MPPED1: variants seen among roughly 807,000 people sequenced by gnomAD.
The protein encoded by MPPED1 is metallophosphoesterase domain containing 1, also known as metallophosphoesterase domain-containing protein 1.
In MPPED1, 16 loss-of-function variants were observed where a neutral mutation model predicts 36.2. The observed-to-expected ratio is 0.44, with a 90% CI of 0.30 to 0.67. MPPED1 has a LOEUF of 0.67. MPPED1 is among the 30% of genes least tolerant of loss of function. The pLI, the probability that MPPED1 is intolerant of heterozygous loss-of-function variation, is 0.10. For missense variants in MPPED1, 307 were observed against 453.4 expected (o/e 0.68, Z 2.93); for synonymous variants, 199 against 191.3 (o/e 1.04, Z -0.33).
At chr22:43,503,898 C>T (rs1165548452) in intron 6 of MPPED1, among the ~76,000 whole-genome samples, 2 of 152,196 alleles carry the variant, frequency 1.3e-5, no homozygotes, top group East Asian at 3.9e-4. Flanking sequence ...CACTCCCTTC[C>T]TCCCCCAGCA....
intron 3 of MPPED1, among the ~76,000 whole-genome samples, chr22:43,452,237 C>T (rs937751729): frequency 3.9e-5 from 6 of 152,052 alleles, no homozygotes; most frequent in Admixed American, 1.3e-4. Flanking sequence ...AGGCTGGTCT[C>T]AAACTCCTTT....
At chr22:43,426,912 G>A (rs1051032838) in intron 2 of MPPED1, among the ~76,000 whole-genome samples, 1 of 152,254 alleles carries the variant, frequency 6.6e-6, no homozygotes, top group African/African-American at 2.4e-5. Context: ...CCGGGCCTCA[G>A]GCTTGCCGCT....
intron 4 of MPPED1, among the ~76,000 whole-genome samples, chr22:43,477,854 C>T (rs368580799): frequency 6.6e-5 from 10 of 152,330 alleles, no homozygotes; most frequent in Admixed American, 6.5e-5. Flanking sequence ...CCTCTCTGGT[C>T]TTTCTGTGTA....
intron 3 of MPPED1, among the ~76,000 whole-genome samples, chr22:43,446,421 A>G (rs1930348937): frequency 1.3e-5 from 2 of 152,082 alleles, no homozygotes; most frequent in Non-Finnish European, 2.9e-5. Context: ...CTGAGGGGAC[A>G]TGAAGGGATG....
intron 2 of MPPED1, among the ~76,000 whole-genome samples, chr22:43,429,115 G>A (rs11912156): frequency 0.031 from 4,734 of 152,260 alleles, 183 homozygotes; most frequent in African/African-American, 0.096. Flanking sequence ...CCACAGCTGC[G>A]TGCCAGGCCT....
intron 3 of MPPED1, among the ~76,000 whole-genome samples, chr22:43,436,673 C>T (rs1029983315): frequency 3.3e-5 from 5 of 152,228 alleles, no homozygotes; most frequent in Admixed American, 2.6e-4. Context: ...CTGCTTGTCC[C>T]GTCTGCTGTG....
At chr22:43,492,533 C>T (rs1394886180) in intron 4 of MPPED1, among the ~76,000 whole-genome samples, 1 of 152,116 alleles carries the variant, frequency 6.6e-6, no homozygotes, top group African/African-American at 2.4e-5. Flanking sequence ...GGGTGGGGGT[C>T]CCTGAGAGAG....
chr22:43,482,617 G>A (rs767976237), intron 4 of MPPED1, among the ~76,000 whole-genome samples: 35 of 152,372 alleles, frequency 2.3e-4, no homozygotes, highest in Non-Finnish European at 3.1e-4. Flanking sequence ...TCCCCTTGCA[G>A]AACTGCCCTT....
intron 1 of MPPED1, among the ~76,000 whole-genome samples, chr22:43,414,945 A>G (rs2146807829): frequency 6.6e-6 from 1 of 152,248 alleles, no homozygotes; most frequent in African/African-American, 2.4e-5. Flanking sequence ...GGCACCTCCG[A>G]TAAGAGGTAG....
At chr22:43,465,489 A>T (rs951907485) in intron 3 of MPPED1, among the ~76,000 whole-genome samples, 8 of 152,200 alleles carry the variant, frequency 5.3e-5, no homozygotes, top group African/African-American at 1.4e-4. Flanking sequence ...GTGTGTACTT[A>T]TCACCGAGCC....
chr22:43,449,857 G>A (rs770401551), intron 3 of MPPED1, among the ~76,000 whole-genome samples: 24 of 141,326 alleles, frequency 1.7e-4, no homozygotes, highest in South Asian at 7.0e-4. Context: ...GATAATGCAG[G>A]TGAAGTGCAA....
chr22:43,482,940 G>A (rs1931795774), intron 4 of MPPED1, among the ~76,000 whole-genome samples: 1 of 152,252 alleles, frequency 6.6e-6, no homozygotes, highest in African/African-American at 2.4e-5. Context: ...AGGGCCAGGG[G>A]TTGATGTGAT....
intron 5 of MPPED1, among the ~76,000 whole-genome samples, chr22:43,499,575 G>GTGA (rs1932562273): frequency 8.2e-6 from 1 of 121,730 alleles, no homozygotes; most frequent in Non-Finnish European, 1.7e-5. Flanking sequence ...GGTGGTGGTA[G>GTGA]TGGAGGTGGT....
At chr22:43,419,551 T>C (rs1390071828) in intron 1 of MPPED1, among the ~76,000 whole-genome samples, 1 of 147,610 alleles carries the variant, frequency 6.8e-6, no homozygotes, top group Non-Finnish European at 1.5e-5. Flanking sequence ...TGGGGCCAGG[T>C]GCAGCCTCCT....
intron 4 of MPPED1, among the ~76,000 whole-genome samples, chr22:43,476,136 C>A (rs1931570196): frequency 6.6e-6 from 1 of 151,958 alleles, no homozygotes; most frequent in Non-Finnish European, 1.5e-5. Flanking sequence ...TTACAGTAAT[C>A]TGGGCCCTAG....
chr22:43,457,753 C>T (rs969819941), intron 3 of MPPED1, among the ~76,000 whole-genome samples: 3 of 152,066 alleles, frequency 2.0e-5, no homozygotes. Flanking sequence ...TAATAGCAAC[C>T]TAATTTCATA....
At chr22:43,487,676 A>G (rs1931954778) in intron 4 of MPPED1, among the ~76,000 whole-genome samples, 1 of 152,102 alleles carries the variant, frequency 6.6e-6, no homozygotes, top group African/African-American at 2.4e-5. Flanking sequence ...GGAGAGGGAG[A>G]GCCTGTGGCC....
chr22:43,498,219 T>G lies in MPPED1; in HGVS notation c.633-16T>G. On this transcript the variant is annotated splice_polypyrimidine_tract_variant and intron_variant, in intron 4 of 6. Coordinates refer to ENST00000443721, the MANE Select transcript of MPPED1 (RefSeq NM_001044370.2). Reference sequence around the variant, plus strand: ...TTTCACCCGCCCTCCCTCAAACACCTGCACTTCTTCTACAGGCAGCCCTGG... The same window carrying G: ...TTTCACCCGCCCTCCCTCAAACACCGGCACTTCTTCTACAGGCAGCCCTGG... The G allele has an allele frequency of 1.3e-6, 2 of 1,531,036 alleles. No homozygotes were observed. The highest frequency in any genetic ancestry group is 1.7e-6 in the Non-Finnish European group (2 of 1,143,088). 94.8% of individuals were successfully genotyped at this position (1,531,036 alleles called of 1,614,324 possible). A position where few individuals can be genotyped will look rare whatever the true frequency, so the allele number is the denominator to read the frequency against.
intron 3 of MPPED1, among the ~76,000 whole-genome samples, chr22:43,453,105 A>G (rs1041661883): frequency 1.3e-5 from 2 of 151,550 alleles, no homozygotes; most frequent in Non-Finnish European, 2.9e-5. Context: ...ACCCGCTACC[A>G]CGCCCGGCTA....
Sources: allele counts gnomAD v4.1 joint callset (sites outside exome capture counted in the v4.1 genomes callset), GRCh38; gene constraint gnomAD v4.1.1; transcripts MANE v1.5; gene names NCBI Gene and HGNC (gene_info 2026-07-23, HGNC 2026-07-21).